The following ADAMTSL1 variants were observed in gnomAD, a reference collection of about 807,000 sequenced individuals.
The protein encoded by ADAMTSL1 is ADAMTS like 1.
ADAMTSL1 carries 126 observed loss-of-function variants against 201.8 expected under a neutral mutation model. The ratio of observed to expected loss-of-function variants is 0.62; its 90% confidence interval spans 0.54 to 0.72. The LOEUF (loss-of-function observed/expected upper bound fraction) is 0.72. Among genes scored for constraint, ADAMTSL1 ranks in the 30% least tolerant of loss-of-function variants. The pLI, the probability that ADAMTSL1 is intolerant of heterozygous loss-of-function variation, is 0.00. For synonymous variants in ADAMTSL1, 1,121 were observed against 903.4 expected (o/e 1.24, Z -4.32); for missense variants, 2,679 against 2,277.8 (o/e 1.18, Z -3.59).
At chr9:17,964,496 G>A (rs1817895414) in intron 1 of ADAMTSL1, among the ~76,000 whole-genome samples, 2 of 152,114 alleles carry the variant, frequency 1.3e-5, no homozygotes. Flanking sequence ...CCTGCGTGGT[G>A]ACAAAACTCT....
chr9:18,267,297 C>T (rs1430859609), intron 2 of ADAMTSL1, among the ~76,000 whole-genome samples: 1 of 152,084 alleles, frequency 6.6e-6, no homozygotes, highest in Non-Finnish European at 1.5e-5. Flanking sequence ...ATCAGCCAAG[C>T]TCAGTTCCAG....
intron 10 of ADAMTSL1, among the ~76,000 whole-genome samples, chr9:18,676,408 T>G (rs2133132472): frequency 6.6e-6 from 1 of 152,146 alleles, no homozygotes; most frequent in East Asian, 1.9e-4. Context: ...AGGCAATTTT[T>G]TAATATTCTT....
At chr9:18,066,193 G>A (rs957140219) in intron 1 of ADAMTSL1, among the ~76,000 whole-genome samples, 10 of 151,976 alleles carry the variant, frequency 6.6e-5, no homozygotes, top group South Asian at 2.1e-4. Context: ...CCTAAGTACC[G>A]TCAGTGATAA....
chr9:18,109,247 T>A (rs1226597664), intron 1 of ADAMTSL1, among the ~76,000 whole-genome samples: 11 of 152,158 alleles, frequency 7.2e-5, no homozygotes, highest in Admixed American at 4.6e-4. Context: ...ATTTGTGTTC[T>A]CTCTTTCCCT....
rs909948177 is a variant in ADAMTSL1, at chr9:18,838,842, C to T, written c.4249+8865C>T. ...AGTGAGCTATAATCGCACCACTACA[C>T]TGCAGCCTGGGCAACAAGTGAGATC... is the stretch of plus-strand genomic sequence containing the variant. On this transcript the variant is annotated intron_variant, in intron 23 of 28. Transcript: ENST00000380548. Among the ~76,000 whole-genome samples the T allele has an allele frequency of 1.7e-4, 26 of 149,558 alleles. 1 individual carries two copies. The highest frequency in any genetic ancestry group is 1.5e-3 in the Admixed American group (22 of 14,940).
intron 2 of ADAMTSL1, among the ~76,000 whole-genome samples, chr9:18,177,722 A>ATCTCTTACAAGAAGATC (rs779148240): frequency 1.8e-4 from 28 of 152,226 alleles, no homozygotes; most frequent in African/African-American, 6.7e-4. Flanking sequence ...CTTGTAAGAG[A>ATCTCTTACAAGAAGATC]TCTTCCGGTT....
intron 2 of ADAMTSL1, among the ~76,000 whole-genome samples, chr9:18,295,983 C>G (rs1423501905): frequency 6.6e-6 from 1 of 152,090 alleles, no homozygotes; most frequent in Non-Finnish European, 1.5e-5. Context: ...TATTATGTGC[C>G]TCCTGGTAAT....
At chr9:18,600,985 A>G (rs1824611754) in intron 4 of ADAMTSL1, among the ~76,000 whole-genome samples, 2 of 152,106 alleles carry the variant, frequency 1.3e-5, no homozygotes, top group African/African-American at 2.4e-5. Context: ...TCAATTTCCT[A>G]TTGGTTTCCT....
intron 23 of ADAMTSL1, among the ~76,000 whole-genome samples, chr9:18,879,708 A>AG (rs1365010897): frequency 3.3e-5 from 5 of 152,228 alleles, no homozygotes; most frequent in African/African-American, 1.2e-4. Flanking sequence ...TTGCTGGTGG[A>AG]GGGTCTTGCC....
intron 3 of ADAMTSL1, among the ~76,000 whole-genome samples, chr9:18,535,661 T>G (rs1405345506): frequency 6.6e-6 from 1 of 152,180 alleles, no homozygotes; most frequent in Non-Finnish European, 1.5e-5. Flanking sequence ...GAGATTTAAT[T>G]GACTCACAGC....
intron 2 of ADAMTSL1, among the ~76,000 whole-genome samples, chr9:18,184,409 A>G (rs888366410): frequency 6.6e-6 from 1 of 152,218 alleles, no homozygotes; most frequent in African/African-American, 2.4e-5. Context: ...TTTCCTACAC[A>G]AAACTTTTAC....
At chr9:18,386,940 A>G (rs1031846278) in intron 2 of ADAMTSL1, among the ~76,000 whole-genome samples, 11 of 152,114 alleles carry the variant, frequency 7.2e-5, no homozygotes, top group Admixed American at 1.3e-4. Context: ...CTATGCTTTC[A>G]TGGACAAAAA....
At chr9:18,898,202 G>T (rs1280342862) in intron 26 of ADAMTSL1, among the ~76,000 whole-genome samples, 3 of 152,038 alleles carry the variant, frequency 2.0e-5, no homozygotes, top group Non-Finnish European at 2.9e-5. Context: ...AAAAGAAGGT[G>T]GGTAATAACA....
intron 1 of ADAMTSL1, among the ~76,000 whole-genome samples, chr9:18,080,854 C>A (rs1049708995): frequency 1.3e-5 from 2 of 152,170 alleles, no homozygotes; most frequent in African/African-American, 4.8e-5. Context: ...CATTTAGACT[C>A]ATAAAACTTA....
chr9:18,279,826 T>G (rs1331580037), intron 2 of ADAMTSL1, among the ~76,000 whole-genome samples: 1 of 152,036 alleles, frequency 6.6e-6, no homozygotes, highest in Non-Finnish European at 1.5e-5. Flanking sequence ...GGCACTAGGG[T>G]GGGCCAGCCT....
At chr9:18,768,145 T>G (rs1227599434) in intron 16 of ADAMTSL1, among the ~76,000 whole-genome samples, 1 of 152,008 alleles carries the variant, frequency 6.6e-6, no homozygotes, top group South Asian at 2.1e-4. Context: ...GTCACAAGAG[T>G]GGAAGCTAAG....
intron 2 of ADAMTSL1, among the ~76,000 whole-genome samples, chr9:18,331,562 C>G (rs1352545720): frequency 6.6e-6 from 1 of 152,118 alleles, no homozygotes; most frequent in Non-Finnish European, 1.5e-5. Flanking sequence ...GACTCATAAA[C>G]AAAATGAATG....
chr9:18,644,439 AG>A (rs1827652758), intron 7 of ADAMTSL1, among the ~76,000 whole-genome samples: 1 of 151,850 alleles, frequency 6.6e-6, no homozygotes, highest in African/African-American at 2.4e-5. Context: ...CACAATGTGC[AG>A]GTTAGTTACA....
intron 1 of ADAMTSL1, among the ~76,000 whole-genome samples, chr9:17,967,773 T>C (rs923348440): frequency 2.0e-5 from 3 of 152,134 alleles, no homozygotes; most frequent in African/African-American, 7.2e-5. Context: ...AATATTCTTT[T>C]GGTTCTTATA....
Sources: allele counts gnomAD v4.1 joint callset (sites outside exome capture counted in the v4.1 genomes callset), GRCh38; gene constraint gnomAD v4.1.1; transcripts MANE v1.5; gene names NCBI Gene and HGNC (gene_info 2026-07-23, HGNC 2026-07-21).